The following NPL variants were observed in gnomAD, a reference collection of about 807,000 sequenced individuals.
NPL encodes the protein N-acetylneuraminate lyase.
NPL carries 32 observed loss-of-function variants against 41.1 expected under a neutral mutation model. The ratio of observed to expected loss-of-function variants is 0.78; its 90% CI spans 0.59 to 1.05. The LOEUF (loss-of-function observed/expected upper bound fraction) is 1.05, where lower values mean the gene tolerates loss of function less well. Ranked by LOEUF, NPL falls within the 50% of genes least tolerant of loss-of-function variation. The probability of loss-of-function intolerance (pLI) is 0.00; values close to 1 mark genes in which losing one functional copy is unlikely to be tolerated. For missense variants in NPL, 321 were observed against 378.4 expected (o/e 0.85, Z 1.26); for synonymous variants, 128 against 134.9 (o/e 0.95, Z 0.35).
At chr1:182,824,427 A>C (rs1035485929) in intron 11 of NPL, among the ~76,000 whole-genome samples, 5 of 152,218 alleles carry the variant, frequency 3.3e-5, no homozygotes, top group Admixed American at 6.5e-5. Context: ...CAGTCAGTTA[A>C]AACAAATATG....
intron 3 of NPL, chr1:182,795,617 C>A (rs1362042214): frequency 6.6e-6 from 1 of 152,182 alleles, no homozygotes; most frequent in Non-Finnish European, 1.5e-5. Flanking sequence ...CTTCTAAGAT[C>A]CATGAAAAAT....
At position 182,829,008 on chromosome 1, in the gene NPL, C is replaced by T; in HGVS notation, c.*100C>T. ...TTTTAGATGAACTTGAATAAACTCT[C>T]CTAGCAAATGAAATCTCACAATAAG... is the stretch of plus-strand genomic sequence containing the variant. On this transcript the variant is annotated 3_prime_UTR_variant, in exon 13 of 13. Transcript: ENST00000367553. 6.9e-6 allele frequency: 11 copies of T among 1,585,052 alleles called. No homozygotes were observed. Among genetic ancestry groups the T allele is most frequent in the Non-Finnish European group, 8.5e-6 (10 of 1,172,218 alleles).
intron 5 of NPL, among the ~76,000 whole-genome samples, chr1:182,806,694 C>T (rs976657330): frequency 1.3e-5 from 2 of 152,182 alleles, no homozygotes; most frequent in Non-Finnish European, 2.9e-5. Flanking sequence ...TATGGTGCTT[C>T]CTCTTGCGCT....
At chr1:182,819,002 A>C in intron 10 of NPL, 143 bp downstream of exon 10, 1 of 791,592 alleles carries the variant, frequency 1.3e-6, no homozygotes, top group Non-Finnish European at 2.2e-6. Flanking sequence ...AAGGGAATTA[A>C]ATACTGCTTA....
chr1:182,804,655 G>A (rs764270505), intron 4 of NPL, among the ~76,000 whole-genome samples: 12 of 152,108 alleles, frequency 7.9e-5, no homozygotes, highest in Non-Finnish European at 1.2e-4. Context: ...CTGGGCTCTC[G>A]GACCCTTGGA....
At chr1:182,808,266 A>G (rs961581696) in intron 5 of NPL, among the ~76,000 whole-genome samples, 1 of 152,234 alleles carries the variant, frequency 6.6e-6, no homozygotes, top group East Asian at 1.9e-4. Flanking sequence ...ATTTAGATGC[A>G]GTAAATGCTA....
Position 182,806,145 on chromosome 1 carries a change from T to C in NPL, c.143T>C (p.Val48Ala), listed in dbSNP as rs780156816. Reference protein sequence around the residue: ...VKEQGVKNIFVNGTTGEGLSL... With the variant: ...VKEQGVKNIFANGTTGEGLSL... Reference sequence around the variant, plus strand: ...GCTGACTTACTCTTTGTTTGAACAGTGAATGGCACAACAGGAGAAGGCCTG... The same window carrying C: ...GCTGACTTACTCTTTGTTTGAACAGCGAATGGCACAACAGGAGAAGGCCTG... Residue 48 changes from valine to alanine, a missense_variant and splice_region_variant, in exon 5 of 13, where the codon GTG becomes GCG. Coordinates refer to ENST00000367553, the MANE Select transcript of NPL (RefSeq NM_030769.3). The C allele has an allele frequency of 6.2e-7, 1 of 1,614,008 alleles. No homozygotes were observed. The highest frequency in any genetic ancestry group is 8.5e-7 in the Non-Finnish European group (1 of 1,180,032).
intron 5 of NPL, among the ~76,000 whole-genome samples, chr1:182,810,866 G>A (rs916042386): frequency 6.6e-6 from 1 of 152,086 alleles, no homozygotes; most frequent in Non-Finnish European, 1.5e-5. Context: ...AATTATTCCA[G>A]GAAATTGAGG....
rs762371206 is a variant in NPL at position 182,818,526 on chromosome 1, T to TA, written c.458-14dup. On this transcript the variant is annotated splice_polypyrimidine_tract_variant and intron_variant, in intron 8 of 12. Transcript: ENST00000367553. ...GAGATGTGCAGATTAATGAGGCACT[T>TA]ATTATTTTGAGCAGTTCGTGCTGAG... The TA allele has an allele frequency of 7.6e-5, 123 of 1,613,546 alleles. No individual in the cohort carries two copies. Among genetic ancestry groups the TA allele is most frequent in the Non-Finnish European group, 1.0e-4 (118 of 1,180,012 alleles).
chr1:182,824,336 T>C (rs1314522977), intron 11 of NPL, among the ~76,000 whole-genome samples: 1 of 152,258 alleles, frequency 6.6e-6, no homozygotes, highest in Non-Finnish European at 1.5e-5. Context: ...TGTAATGTGC[T>C]ATATTGTTCA....
chr1:182,803,611 A>G (rs1666917504), intron 3 of NPL, 87 bp from the exon 4 acceptor site: 1 of 857,634 alleles, frequency 1.2e-6, no homozygotes, highest in Non-Finnish European at 2.0e-6. Context: ...AACTATTAGC[A>G]AGAGGGAGCA....
At chr1:182,822,863 A>G (rs1667526978) in intron 11 of NPL, among the ~76,000 whole-genome samples, 1 of 152,204 alleles carries the variant, frequency 6.6e-6, no homozygotes, top group Non-Finnish European at 1.5e-5. Flanking sequence ...AACAGTCTCA[A>G]CAACTGGTTG....
chr1:182,796,422 G>A (rs1325701001), intron 3 of NPL, among the ~76,000 whole-genome samples: 3 of 152,024 alleles, frequency 2.0e-5, no homozygotes, highest in Non-Finnish European at 4.4e-5. Flanking sequence ...GGAAGGAAGG[G>A]GCACATGGAA....
intron 3 of NPL, among the ~76,000 whole-genome samples, chr1:182,800,535 C>T (rs1450419748): frequency 4.0e-5 from 6 of 151,206 alleles, no homozygotes. Context: ...AATGTGGTAG[C>T]AGCCCTGGAT....
At position 182,829,295 on chromosome 1, in the gene NPL, A is replaced by C; in HGVS notation, c.*387A>C. 1 of 1,188,588 alleles carries C rather than the reference A, an allele frequency of 8.4e-7. No homozygotes were observed. The highest frequency in any genetic ancestry group is 4.8e-5 in the East Asian group (1 of 20,850). The allele number at this position is 1,188,588 out of a possible 1,614,324, so 73.6% of individuals were successfully genotyped here. A position where few individuals can be genotyped will look rare whatever the true frequency, so the allele number is the denominator to read the frequency against. The stretch of plus-strand genomic sequence containing the variant: ...ACCACTATAATATGTCTTCATTTTA[A>C]TAAATATTCATTTGGAATCTAGGAA... On this transcript the variant is annotated 3_prime_UTR_variant, in exon 13 of 13. Coordinates refer to ENST00000367553, the MANE Select transcript of NPL (RefSeq NM_030769.3).
chr1:182,795,891 T>G (rs1337082766), intron 3 of NPL: 1 of 152,146 alleles, frequency 6.6e-6, no homozygotes, highest in African/African-American at 2.4e-5. Context: ...CATACTACTT[T>G]AACCTTTTAA....
At chr1:182,807,893 A>G (rs1249996683) in intron 5 of NPL, among the ~76,000 whole-genome samples, 1 of 149,096 alleles carries the variant, frequency 6.7e-6, no homozygotes, top group Non-Finnish European at 1.5e-5. Flanking sequence ...TCCATCTCAA[A>G]AAAAAAAAAA....
chr1:182,826,062 C>T, intron 12 of NPL: 2 of 580,700 alleles, frequency 3.4e-6, no homozygotes, highest in South Asian at 4.1e-5. Flanking sequence ...TTCTTTCTCT[C>T]CTAAACCATC....
At chr1:182,792,822 C>T (rs1388846070) in intron 2 of NPL, among the ~76,000 whole-genome samples, 1 of 152,162 alleles carries the variant, frequency 6.6e-6, no homozygotes, top group Non-Finnish European at 1.5e-5. Context: ...CTTACCTGAG[C>T]CAAGACTCTT....
Sources: gnomAD v4.1 joint callset for allele counts (sites outside exome capture counted in the v4.1 genomes callset) on GRCh38, gnomAD v4.1.1 for gene constraint, MANE v1.5 for transcripts, NCBI Gene and HGNC (gene_info 2026-07-23, HGNC 2026-07-21) for gene names.